Variants in SGCD observed in about 807,000 individuals in gnomAD.
SGCD encodes sarcoglycan delta, also known as delta-sarcoglycan.
A neutral mutation model predicts 36.6 loss-of-function variants in SGCD; 18 were observed. The observed-to-expected ratio is 0.49, with a 90% CI of 0.34 to 0.73. The LOEUF is 0.73. Ranked by LOEUF, SGCD falls within the 30% of genes least tolerant of loss-of-function variation. The probability of loss-of-function intolerance (pLI) is 0.01; values close to 1 mark genes in which losing one functional copy is unlikely to be tolerated. For synonymous variants in SGCD, 133 were observed against 130.6 expected (o/e 1.02, Z -0.12); for missense variants, 387 against 346.7 (o/e 1.12, Z -0.92).
chr5:156,324,498 T>C (rs1336169187), upstream of SGCD, among the ~76,000 whole-genome samples: 1 of 152,210 alleles, frequency 6.6e-6, no homozygotes, highest in Non-Finnish European at 1.5e-5. Flanking sequence ...TAACATTTCT[T>C]AACATTAGAA....
intron 6 of SGCD, among the ~76,000 whole-genome samples, chr5:156,617,127 C>G (rs192387788): frequency 3.0e-4 from 45 of 152,246 alleles, no homozygotes; most frequent in African/African-American, 9.1e-4. Context: ...GAAGTTTTGT[C>G]TCATAGACTT....
At chr5:156,697,194 TATA>T (rs1443582156) in intron 7 of SGCD, among the ~76,000 whole-genome samples, 1 of 152,146 alleles carries the variant, frequency 6.6e-6, no homozygotes, top group Non-Finnish European at 1.5e-5. Context: ...ACTTCATAAA[TATA>T]ATGAGTCACT....
At chr5:156,444,112 C>G (rs1402653919) in intron 3 of SGCD, among the ~76,000 whole-genome samples, 1 of 93,960 alleles carries the variant, frequency 1.1e-5, no homozygotes, top group African/African-American at 6.2e-5. Flanking sequence ...CTCTCTCTCT[C>G]TCTCCCCTTC....
intron 3 of SGCD, among the ~76,000 whole-genome samples, chr5:156,239,618 T>C (rs1215664002): frequency 4.6e-5 from 7 of 152,174 alleles, no homozygotes; most frequent in African/African-American, 1.4e-4. Flanking sequence ...ACTTAATATG[T>C]TAGAAAACAC....
intron 3 of SGCD, among the ~76,000 whole-genome samples, chr5:156,198,269 T>C (rs74459676): frequency 0.011 from 1,693 of 152,164 alleles, 18 homozygotes; most frequent in Non-Finnish European, 0.018. Context: ...TTGGAGCAAG[T>C]CCAAGTAAAA....
At chr5:156,567,405 G>A (rs970182855) in intron 4 of SGCD, among the ~76,000 whole-genome samples, 1 of 147,196 alleles carries the variant, frequency 6.8e-6, no homozygotes, top group African/African-American at 2.5e-5. Flanking sequence ...TAGATAGATA[G>A]ATAGATAGAT....
chr5:155,997,238 T>C (rs1223335294), intron 1 of SGCD, among the ~76,000 whole-genome samples: 1 of 152,234 alleles, frequency 6.6e-6, no homozygotes, highest in African/African-American at 2.4e-5. Flanking sequence ...ATACTGTTAA[T>C]CCCATTTCAC....
intron 4 of SGCD, among the ~76,000 whole-genome samples, chr5:156,559,800 G>T (rs2052542): frequency 6.6e-6 from 1 of 152,180 alleles, no homozygotes; most frequent in South Asian, 2.1e-4. Flanking sequence ...AACTGTGCCT[G>T]CGTAAAGGAA....
chr5:155,967,117 A>G (rs1757918776), intron 1 of SGCD, among the ~76,000 whole-genome samples: 1 of 151,930 alleles, frequency 6.6e-6, no homozygotes, highest in Non-Finnish European at 1.5e-5. Context: ...TTCTTCTAGA[A>G]TCCCTCATTG....
chr5:156,474,017 C>G (rs908578666), intron 3 of SGCD, among the ~76,000 whole-genome samples: 60 of 151,104 alleles, frequency 4.0e-4, no homozygotes, highest in African/African-American at 1.2e-3. Context: ...GGAAAGGATC[C>G]TAAATTAAAA....
chr5:156,343,924 C>T (rs930416367), intron 2 of SGCD, among the ~76,000 whole-genome samples: 1 of 152,160 alleles, frequency 6.6e-6, no homozygotes, highest in Non-Finnish European at 1.5e-5. Context: ...ATTCCCAAAT[C>T]AAGTGGGGTT....
In SGCD at chr5:155,897,681, T is replaced by TA. The variant is rs1561642664; in HGVS notation, c.-282+27258dup. ...TTTCTAAAATTTTTAATTTTTTTTT[T>TA]ACTTTTTAAACTTTTTAAATTAAAA... On this transcript the variant is annotated intron_variant, in intron 1 of 9. Coordinates refer to the SGCD transcript ENST00000517913. Among the ~76,000 whole-genome samples, 14 of 152,190 alleles carry TA rather than the reference T, an allele frequency of 9.2e-5. No homozygotes were observed. The South Asian group carries it at 2.5e-3, about 27-fold the overall frequency.
chr5:155,814,108 C>T, the SGCD span, among the ~76,000 whole-genome samples: 2 of 152,350 alleles, frequency 1.3e-5, no homozygotes, highest in Non-Finnish European at 2.9e-5. Flanking sequence ...AATCCCTCAT[C>T]TAGTCTTAAG....
At chr5:156,061,936 T>A (rs1206578686) in intron 1 of SGCD, among the ~76,000 whole-genome samples, 1 of 113,036 alleles carries the variant, frequency 8.8e-6, no homozygotes, top group Non-Finnish European at 1.7e-5. Context: ...TTTTTTTTTT[T>A]TTTTTTTTAT....
rs186838128 is a variant in SGCD at position 156,693,065 on chromosome 5, A to G, written c.575+45529A>G. 1.8e-3 allele frequency among the ~76,000 whole-genome samples: 269 copies of G among 152,322 alleles called. 1 individual carries two copies. The highest frequency in any genetic ancestry group is 5.9e-3 in the African/African-American group (247 of 41,578). ...AGTGAATCTGAGGTCACTCAGCCCG[A>G]AAGAGGAAAAATCACAGAATAATGT... On this transcript the variant is annotated intron_variant, in intron 7 of 8. Transcript: ENST00000337851.
intron 3 of SGCD, among the ~76,000 whole-genome samples, chr5:156,471,920 G>A (rs1754984521): frequency 6.6e-6 from 1 of 152,020 alleles, no homozygotes. Flanking sequence ...GTATAATCAA[G>A]AATAAAAGAC....
At chr5:155,877,353 C>G (rs1406060906) in intron 1 of SGCD, among the ~76,000 whole-genome samples, 1 of 152,092 alleles carries the variant, frequency 6.6e-6, no homozygotes, top group Non-Finnish European at 1.5e-5. Flanking sequence ...GAATACTTGT[C>G]TAGCAATAGG....
intron 6 of SGCD, among the ~76,000 whole-genome samples, chr5:156,636,638 A>G (rs1762835182): frequency 1.3e-5 from 2 of 152,196 alleles, no homozygotes; most frequent in Admixed American, 6.6e-5. Context: ...GGGGAACAAA[A>G]GGAAAGGAAA....
chr5:156,526,071 A>G (rs1052591058), intron 4 of SGCD, among the ~76,000 whole-genome samples: 15 of 152,168 alleles, frequency 9.9e-5, no homozygotes, highest in African/African-American at 3.4e-4. Flanking sequence ...TGCAAGTTCA[A>G]TGGCAGGCAG....
Sources: gnomAD v4.1 joint callset for allele counts (sites outside exome capture counted in the v4.1 genomes callset) on GRCh38, gnomAD v4.1.1 for gene constraint, MANE v1.5 for transcripts, NCBI Gene and HGNC (gene_info 2026-07-23, HGNC 2026-07-21) for gene names.